Variants in EVC observed in about 807,000 individuals in gnomAD.
EVC encodes EvC ciliary complex subunit 1.
Under a neutral mutation model 118.9 loss-of-function variants are expected in EVC, and 116 were observed. The observed-to-expected ratio is 0.98, with a 90% confidence interval of 0.84 to 1.14. EVC has a LOEUF of 1.14. EVC is among the 50% of genes most tolerant of loss of function. The pLI, the probability that EVC is intolerant of heterozygous loss-of-function variation, is 0.00. For missense variants in EVC, 1,401 were observed against 1,246.4 expected (o/e 1.12, Z -1.87); for synonymous variants, 619 against 534.7 (o/e 1.16, Z -2.18).
At chr4:5,747,099 A>G (rs1729472644) in intron 7 of EVC, among the ~76,000 whole-genome samples, 1 of 152,000 alleles carries the variant, frequency 6.6e-6, no homozygotes. Context: ...AGCAGCATGT[A>G]TGGGGTTTAC....
Position 5,756,409 on chromosome 4 carries a change from T to G in EVC, c.1563+47T>G. 1 of 1,505,644 alleles carries G rather than the reference T, an allele frequency of 6.6e-7. No individual in the cohort carries two copies. Among genetic ancestry groups the G allele is most frequent in the South Asian group, 1.2e-5 (1 of 84,530 alleles). The allele number at this position is 1,505,644 out of a possible 1,614,324, so 93.3% of individuals were successfully genotyped here. ...CAGCAGAGAAGCCCCAGGGTCTGTG[T>G]GTGTGCGAGAACCTCACATCCTCCT... On this transcript the variant is annotated intron_variant, in intron 11 of 20. Coordinates refer to ENST00000264956, the MANE Select transcript of EVC (RefSeq NM_153717.3). This position sits in a 1 kb window ranked among gnomAD's most constrained non-coding sequence, Gnocchi z 4.2.
chr4:5,733,515 A>T, intron 5 of EVC, 80 bp downstream of exon 5: 3 of 1,226,472 alleles, frequency 2.4e-6, no homozygotes, highest in Non-Finnish European at 2.4e-6. Flanking sequence ...AGTGAGTCCC[A>T]GAGACCCTTG....
intron 13 of EVC, 55 bp from the exon 14 acceptor site, chr4:5,796,967 C>T: frequency 7.4e-7 from 1 of 1,346,418 alleles, no homozygotes; most frequent in Non-Finnish European, 1.1e-6. Flanking sequence ...GAGCTTGTCA[C>T]TGGCTTCGTG....
intron 11 of EVC, among the ~76,000 whole-genome samples, chr4:5,772,020 C>G (rs984636724): frequency 2.6e-5 from 4 of 152,046 alleles, no homozygotes; most frequent in Non-Finnish European, 5.9e-5. Context: ...GTCTCAGCCT[C>G]CCGGGTAGCT....
rs557819057 is a variant in EVC at position 5,755,910 on chromosome 4, C to A, written c.1465-354C>A. On this transcript the variant is annotated intron_variant, in intron 10 of 20. Coordinates refer to ENST00000264956, the MANE Select transcript of EVC (RefSeq NM_153717.3). This position sits in a 1 kb window ranked among gnomAD's most constrained non-coding sequence, Gnocchi z 4.1. ...ACCTCCAATCGCCAGTCTGTGTCAC[C>A]CCTGCTGGGTTCCCATCAGTGGGTC... 1.3e-5 allele frequency among the ~76,000 whole-genome samples: 2 copies of A among 152,274 alleles called. No individual in the cohort carries two copies. Among genetic ancestry groups the A allele is most frequent in the South Asian group, 2.1e-4 (1 of 4,820 alleles).
chr4:5,780,324 A>G (rs905934175), intron 11 of EVC, among the ~76,000 whole-genome samples: 10 of 152,090 alleles, frequency 6.6e-5, no homozygotes, highest in African/African-American at 2.4e-4. Flanking sequence ...GAATATGTTT[A>G]TTTTCCTTTT....
In EVC at chr4:5,729,513, A is replaced by T. The variant is rs899450901; in HGVS notation, c.384+123A>T. 37 of 936,388 alleles carry T rather than the reference A, an allele frequency of 4.0e-5. 2 individuals carry two copies. Among genetic ancestry groups the T allele is most frequent in the South Asian group, 3.0e-4 (22 of 73,606 alleles). The allele number at this position is 936,388 out of a possible 1,614,324, so 58.0% of individuals were successfully genotyped here. On this transcript the variant is annotated intron_variant, in intron 3 of 20. Coordinates refer to ENST00000264956, the MANE Select transcript of EVC (RefSeq NM_153717.3). ...CTGTTTGAGGGTTTTATGGCAAGTC[A>T]TTTTAGTAGGGATAGTTTTGAGGCT...
In EVC at chr4:5,742,199, G is replaced by A. The variant is rs190813986; in HGVS notation, c.801+385G>A. Among the ~76,000 whole-genome samples the A allele has an allele frequency of 9.3e-5, 14 of 150,774 alleles. No homozygotes were observed. Among genetic ancestry groups the A allele is most frequent in the African/African-American group, 3.4e-4 (14 of 41,454 alleles). On this transcript the variant is annotated intron_variant, in intron 6 of 20. Transcript: ENST00000264956. This position sits in a 1 kb window ranked among gnomAD's most constrained non-coding sequence, Gnocchi z 5.2. ...TATTTTGTCTCAGGCGCAGCAAAGA[G>A]TCAGGGCTTGGAGTCAGACTGGTTG...
chr4:5,787,992 G>C (rs1712022509), intron 12 of EVC, among the ~76,000 whole-genome samples: 1 of 152,038 alleles, frequency 6.6e-6, no homozygotes, highest in African/African-American at 2.4e-5. Flanking sequence ...TCTCCTCCCA[G>C]CTCACTTCTT....
At chr4:5,752,094 G>A (rs1464282852) in intron 8 of EVC, among the ~76,000 whole-genome samples, 3 of 152,142 alleles carry the variant, frequency 2.0e-5, no homozygotes, top group Non-Finnish European at 4.4e-5. Flanking sequence ...TGTGGCCTCG[G>A]CCCAGCACAG....
the EVC span, chr4:5,821,923 G>A: frequency 8.2e-7 from 1 of 1,214,892 alleles, no homozygotes; most frequent in South Asian, 1.4e-5. This position sits in a 1 kb window ranked among gnomAD's most constrained non-coding sequence, Gnocchi z 4.4. Context: ...TGGAGGCCAT[G>A]TACTCTGCCA....
intron 12 of EVC, among the ~76,000 whole-genome samples, chr4:5,788,433 A>C (rs10001029): frequency 0.07 from 10,599 of 152,218 alleles, 545 homozygotes; most frequent in South Asian, 0.14. Flanking sequence ...CCAAATTTAC[A>C]TGCTCAGCTC....
At chr4:5,822,109 C>T in the EVC span, among the ~76,000 whole-genome samples, 2 of 152,204 alleles carry the variant, frequency 1.3e-5, no homozygotes, top group African/African-American at 4.8e-5. Flanking sequence ...CAGTAAAATC[C>T]GACATTCCTG....
intron 5 of EVC, among the ~76,000 whole-genome samples, chr4:5,735,657 C>T (rs923037242): frequency 2.6e-5 from 4 of 152,150 alleles, no homozygotes; most frequent in South Asian, 2.1e-4. Context: ...ACTTCACTAA[C>T]GAGGAACCTG....
chr4:5,752,943 C>A lies in EVC; in HGVS notation c.1206C>A (p.His402Gln), dbSNP rs756589627. ...GGTGCCGGCTGGCTGCCATCTCCCA[C>A]GGCCTGGAGCTGCTGGCTGGTGAGG... Reference protein sequence around the residue: ...ETRCRLAAISHGLELLAGEGK... With the variant: ...ETRCRLAAISQGLELLAGEGK... Residue 402 changes from histidine (H) to glutamine (Q), a missense_variant, in exon 9 of 21, where the codon CAC becomes CAA. Coordinates refer to ENST00000264956, the MANE Select transcript of EVC (RefSeq NM_153717.3). The A allele has an allele frequency of 1.9e-6, 3 of 1,613,998 alleles. No homozygotes were observed. The highest frequency in any genetic ancestry group is 2.5e-6 in the Non-Finnish European group (3 of 1,180,038).
chr4:5,751,878 C>T (rs1292685136), intron 8 of EVC, among the ~76,000 whole-genome samples: 1 of 152,322 alleles, frequency 6.6e-6, no homozygotes, highest in African/African-American at 2.4e-5. Context: ...AGAGGCTGGG[C>T]AGCCGGGACC....
chr4:5,788,636 C>T (rs908924535), intron 12 of EVC, among the ~76,000 whole-genome samples: 1 of 152,242 alleles, frequency 6.6e-6, no homozygotes, highest in African/African-American at 2.4e-5. Flanking sequence ...TCACACCCTA[C>T]ATCGGTGGAC....
chr4:5,771,678 A>C (rs1048328059), intron 11 of EVC, among the ~76,000 whole-genome samples: 1 of 152,186 alleles, frequency 6.6e-6, no homozygotes, highest in African/African-American at 2.4e-5. Flanking sequence ...TCTTGAGAGA[A>C]AATGACAGAA....
At chr4:5,778,592 A>T (rs187380446) in intron 11 of EVC, among the ~76,000 whole-genome samples, 1 of 152,286 alleles carries the variant, frequency 6.6e-6, no homozygotes, top group Admixed American at 6.5e-5. Context: ...ATGGCCATTG[A>T]TGGTGAGCAT....
Sources: allele counts gnomAD v4.1 joint callset (sites outside exome capture counted in the v4.1 genomes callset), GRCh38; gene constraint gnomAD v4.1.1; non-coding constraint Gnocchi (gnomAD v3.1); transcripts MANE v1.5; gene names NCBI Gene and HGNC (gene_info 2026-07-23, HGNC 2026-07-21).